PRKN: variants seen among roughly 807,000 people sequenced by gnomAD.
PRKN encodes the protein parkin RBR E3 ubiquitin protein ligase, also known as E3 ubiquitin-protein ligase parkin.
A neutral mutation model predicts 59.5 loss-of-function variants in PRKN; 56 were observed. The observed-to-expected ratio is 0.94, with a 90% CI of 0.76 to 1.18. The LOEUF (loss-of-function observed/expected upper bound fraction) is 1.18, where lower values mean the gene tolerates loss of function less well. Among genes scored for constraint, PRKN ranks in the 50% most tolerant of loss-of-function variants. The probability of loss-of-function intolerance (pLI) is 0.00; values close to 1 mark genes in which losing one functional copy is unlikely to be tolerated. For synonymous variants in PRKN, 250 were observed against 222.1 expected (o/e 1.13, Z -1.12); for missense variants, 657 against 596.4 (o/e 1.10, Z -1.06).
At chr6:161,528,152 T>G (rs889698394) in intron 9 of PRKN, among the ~76,000 whole-genome samples, 1 of 152,240 alleles carries the variant, frequency 6.6e-6, no homozygotes, top group Non-Finnish European at 1.5e-5. Flanking sequence ...AGATTTTTCA[T>G]TTGTGACTTT....
chr6:161,777,792 T>C (rs1790004579), intron 7 of PRKN, among the ~76,000 whole-genome samples: 1 of 137,412 alleles, frequency 7.3e-6, no homozygotes, highest in Non-Finnish European at 1.5e-5. Context: ...TATGTATATA[T>C]GATATATGTA....
chr6:162,426,397 GA>G (rs1789239723), intron 2 of PRKN, among the ~76,000 whole-genome samples: 1 of 152,186 alleles, frequency 6.6e-6, no homozygotes, highest in African/African-American at 2.4e-5. Context: ...ATCTTGCGTG[GA>G]CAGCACATGT....
intron 2 of PRKN, among the ~76,000 whole-genome samples, chr6:162,325,381 T>G (rs1352699423): frequency 6.6e-6 from 1 of 152,190 alleles, no homozygotes; most frequent in African/African-American, 2.4e-5. Context: ...AAACTCTTTG[T>G]ACCATTTTTC....
chr6:162,315,204 AACTCTAACGACCG>A (rs1298411400), intron 2 of PRKN, among the ~76,000 whole-genome samples: 1 of 152,202 alleles, frequency 6.6e-6, no homozygotes, highest in Non-Finnish European at 1.5e-5. Flanking sequence ...TATAGCCATG[AACTCTAACGACCG>A]ACTTCCTATG....
At chr6:162,499,470 C>T (rs1793262709) in intron 1 of PRKN, among the ~76,000 whole-genome samples, 1 of 152,142 alleles carries the variant, frequency 6.6e-6, no homozygotes, top group Non-Finnish European at 1.5e-5. Context: ...TATCTGCATG[C>T]CCAGTGCCTA....
At chr6:162,275,824 T>C (rs1432466671) in intron 2 of PRKN, among the ~76,000 whole-genome samples, 1 of 151,946 alleles carries the variant, frequency 6.6e-6, no homozygotes, top group Non-Finnish European at 1.5e-5. Context: ...CACATATTAA[T>C]GATGTCCATC....
At position 162,546,475 on chromosome 6, in the gene PRKN, A is replaced by C. The variant is rs185907347; in HGVS notation, c.8-103002T>G. ...TTGAAACAAACTCTTTTTTTTTTTT[A>C]AGACTGAGTTTCACTCTTGACACCC... is the stretch of plus-strand genomic sequence containing the variant. On this transcript the variant is annotated intron_variant, in intron 1 of 11. Transcript: ENST00000366898. Among the ~76,000 whole-genome samples, 173 of 149,524 alleles carry C rather than the reference A, an allele frequency of 1.2e-3. 1 individual carries two copies. Among genetic ancestry groups the C allele is most frequent in the Admixed American group, 0.011 (170 of 15,082 alleles).
intron 6 of PRKN, among the ~76,000 whole-genome samples, chr6:161,970,862 T>C (rs760718970): frequency 4.6e-5 from 7 of 152,148 alleles, no homozygotes; most frequent in Non-Finnish European, 8.8e-5. Flanking sequence ...TTATAGTTTA[T>C]TGTGAATTAT....
intron 5 of PRKN, among the ~76,000 whole-genome samples, chr6:162,020,465 T>C (rs539332753): frequency 2.0e-5 from 3 of 150,876 alleles, no homozygotes; most frequent in South Asian, 2.1e-4. Context: ...ACTGAAAATA[T>C]TTTCATTTGA....
At chr6:161,909,378 C>G (rs1475563957) in intron 6 of PRKN, among the ~76,000 whole-genome samples, 2 of 152,082 alleles carry the variant, frequency 1.3e-5, no homozygotes, top group South Asian at 2.1e-4. Context: ...CAGCTGCTCT[C>G]TAGATGTATG....
At chr6:162,533,065 A>C in intron 1 of PRKN, among the ~76,000 whole-genome samples, 1 of 152,208 alleles carries the variant, frequency 6.6e-6, no homozygotes, top group African/African-American at 2.4e-5. Context: ...AATGTTGGTA[A>C]AATGAGGGAA....
intron 7 of PRKN, among the ~76,000 whole-genome samples, chr6:161,757,962 A>AATATATAT (rs140547354): frequency 1.4e-4 from 19 of 134,152 alleles, no homozygotes; most frequent in African/African-American, 5.4e-4. Context: ...TATACAGTTA[A>AATATATAT]ATATATATAT....
chr6:161,762,713 G>A (rs1789252673), intron 7 of PRKN, among the ~76,000 whole-genome samples: 1 of 152,134 alleles, frequency 6.6e-6, no homozygotes, highest in Non-Finnish European at 1.5e-5. Context: ...AATGCCTAAG[G>A]AAAAGGAATA....
intron 9 of PRKN, among the ~76,000 whole-genome samples, chr6:161,437,238 C>A (rs564894951): frequency 6.6e-6 from 1 of 152,102 alleles, no homozygotes; most frequent in Non-Finnish European, 1.5e-5. Flanking sequence ...CATTGTCCTG[C>A]GCTCATCCTT....
At chr6:162,039,620 C>T (rs570102664) in intron 5 of PRKN, among the ~76,000 whole-genome samples, 34 of 152,308 alleles carry the variant, frequency 2.2e-4, no homozygotes, top group South Asian at 1.5e-3. Flanking sequence ...CAGATGCCAG[C>T]GCCATGCTTC....
intron 2 of PRKN, among the ~76,000 whole-genome samples, chr6:162,435,607 G>A (rs1316918822): frequency 4.6e-5 from 7 of 152,102 alleles, no homozygotes; most frequent in South Asian, 4.2e-4. Context: ...TTCTAGACTC[G>A]GACACGTAGC....
chr6:162,265,380 G>A (rs563491057), intron 2 of PRKN, among the ~76,000 whole-genome samples: 6 of 152,062 alleles, frequency 3.9e-5, no homozygotes, highest in African/African-American at 1.2e-4. Flanking sequence ...TATTTGTCCC[G>A]CTGCTAAGGT....
intron 1 of PRKN, among the ~76,000 whole-genome samples, chr6:162,553,591 A>G (rs1021718500): frequency 6.6e-6 from 1 of 151,268 alleles, no homozygotes; most frequent in Non-Finnish European, 1.5e-5. Flanking sequence ...AAACTAAAAC[A>G]CAGACCACCA....
In PRKN at chr6:162,190,961, G is replaced by GAGACTC. The variant is rs368262207; in HGVS notation, c.534+10164_534+10169dup. On this transcript the variant is annotated intron_variant, in intron 4 of 11. Transcript: ENST00000366898. Reference sequence around the variant, plus strand: ...GATAATATGTCAGTTTCACTCTGCAGAGACTCAGGAAGGTACATCTATGTG... The same window carrying GAGACTC: ...GATAATATGTCAGTTTCACTCTGCAGAGACTCAGACTCAGGAAGGTACATCTATGTG... Among the ~76,000 whole-genome samples, 755 of 152,282 alleles carry GAGACTC rather than the reference G, an allele frequency of 5.0e-3. 7 individuals are homozygous for GAGACTC. The highest frequency in any genetic ancestry group is 0.017 in the African/African-American group (696 of 41,550).
Sources: allele counts gnomAD v4.1 joint callset (sites outside exome capture counted in the v4.1 genomes callset), GRCh38; gene constraint gnomAD v4.1.1; transcripts MANE v1.5; gene names NCBI Gene and HGNC (gene_info 2026-07-23, HGNC 2026-07-21).